ZNF503: variants seen among roughly 807,000 people sequenced by gnomAD.
ZNF503 encodes the protein NocA-like zinc finger 2.
A neutral mutation model predicts 34.4 loss-of-function variants in ZNF503; 15 were observed. The ratio of observed to expected loss-of-function variants is 0.44; its 90% CI spans 0.29 to 0.67. The LOEUF is 0.67. Ranked by LOEUF, ZNF503 falls within the 30% of genes least tolerant of loss-of-function variation. The probability of loss-of-function intolerance (pLI) is 0.13; values close to 1 mark genes in which losing one functional copy is unlikely to be tolerated. For missense variants in ZNF503, 1,007 were observed against 926.8 expected, an observed-to-expected ratio of 1.09 and a Z score of -1.12; for synonymous variants, 580 against 456.8, an observed-to-expected ratio of 1.27 and a Z score of -3.44.
At chr10:75,366,814 T>C in the ZNF503 span, among the ~76,000 whole-genome samples, 1 of 152,232 alleles carries the variant, frequency 6.6e-6, no homozygotes, top group Non-Finnish European at 1.5e-5. Flanking sequence ...ATATCCTAGC[T>C]CCTTCGTCCC....
chr10:75,398,579 G>A lies in ZNF503; in HGVS notation c.*170C>T. On this transcript the variant is annotated 3_prime_UTR_variant, in exon 2 of 2. Coordinates refer to ENST00000372524, the MANE Select transcript of ZNF503 (RefSeq NM_032772.6). ...GGGGAGAAGGGGAGTGTCCCACCGG[G>A]TCTCGGTCGCTGCTGTCGGGTAGAT... 2.0e-6 allele frequency: 1 copy of A among 498,848 alleles called. No individual in the cohort carries two copies. The highest frequency in any genetic ancestry group is 1.1e-4 in the South Asian group (1 of 9,230). 30.9% of individuals were successfully genotyped at this position (498,848 alleles called of 1,614,324 possible).
At chr10:75,307,273 C>G in the ZNF503 span, among the ~76,000 whole-genome samples, 7 of 152,176 alleles carry the variant, frequency 4.6e-5, no homozygotes, top group Admixed American at 4.6e-4. Context: ...AGTGAAACAG[C>G]CTTATTGCTG....
the ZNF503 span, among the ~76,000 whole-genome samples, chr10:75,353,900 C>T: frequency 6.6e-6 from 1 of 152,196 alleles, no homozygotes; most frequent in African/African-American, 2.4e-5. Flanking sequence ...CACGCATGAC[C>T]ACTGCTGCCA....
chr10:75,283,610 C>T, the ZNF503 span, among the ~76,000 whole-genome samples: 80 of 152,200 alleles, frequency 5.3e-4, no homozygotes, highest in Non-Finnish European at 1.1e-3. Flanking sequence ...ACGTGGGCAT[C>T]GGGAACCCAA....
chr10:75,351,533 G>T, the ZNF503 span, among the ~76,000 whole-genome samples: 1 of 152,232 alleles, frequency 6.6e-6, no homozygotes, highest in Admixed American at 6.5e-5. Context: ...TGGGGCTGAG[G>T]ACTCTCCACT....
At chr10:75,291,624 A>C in the ZNF503 span, among the ~76,000 whole-genome samples, 1 of 152,150 alleles carries the variant, frequency 6.6e-6, no homozygotes. Context: ...AAAAATCCCC[A>C]AAAAACCTTA....
At chr10:75,283,431 G>A in the ZNF503 span, 1 of 152,338 alleles carries the variant, frequency 6.6e-6, no homozygotes, top group Non-Finnish European at 1.5e-5. Context: ...GGGGAAGAGA[G>A]AGACATGCAG....
In ZNF503 at chr10:75,399,310, CGCAGCCGCA is replaced by C. The variant is rs1843747930; in HGVS notation, c.1371_1379del (p.Ala459_Ala461del). 6.2e-7 allele frequency: 1 copy of C among 1,602,010 alleles called. No individual in the cohort carries two copies. Among genetic ancestry groups the C allele is most frequent in the African/African-American group, 1.3e-5 (1 of 74,684 alleles). On this transcript the variant is annotated inframe_deletion, in exon 2 of 2. Coordinates refer to ENST00000372524, the MANE Select transcript of ZNF503 (RefSeq NM_032772.6). The stretch of plus-strand genomic sequence containing the variant: ...CCAGCGGGTATCCGGACTTCAGCGC[CGCAGCCGCA>C]GCAGCCGGATCATGTGCGCAAGAAG...
chr10:75,400,052 C>T lies in ZNF503; in HGVS notation c.638G>A (p.Arg213Gln). 1.3e-6 allele frequency: 2 copies of T among 1,589,162 alleles called. No individual in the cohort carries two copies. The highest frequency in any genetic ancestry group is 1.7e-4 in the Middle Eastern group (1 of 5,868). ...TGGCTGGCAGGTGGCGCTCGGTACC[C>T]GGAATCCCGACTTCTCCGACGAAAC... ...GGVSSEKSGF[R>Q]VPSATCQPFT... The change falls in exon 2 of 2, where the codon CGG (arginine) becomes CAG (glutamine). Residue 213 changes from arginine (R) to glutamine (Q), a missense_variant. Physicochemically the swap from Arg to Gln is conservative, Grantham distance 43 (BLOSUM62 1). Transcript: ENST00000372524.
chr10:75,384,172 C>T, the ZNF503 span, among the ~76,000 whole-genome samples: 11 of 152,016 alleles, frequency 7.2e-5, no homozygotes, highest in East Asian at 1.9e-4. Flanking sequence ...GTGTGGTGGG[C>T]GCTCCTGTCT....
chr10:75,335,312 C>T, the ZNF503 span, among the ~76,000 whole-genome samples: 1 of 152,068 alleles, frequency 6.6e-6, no homozygotes, highest in African/African-American at 2.4e-5. Flanking sequence ...ATTTTCCTTC[C>T]AATTATTTTC....
rs377659190 is a variant in ZNF503, at chr10:75,398,854, C to T, written c.1836G>A (p.Thr612=). Residue 612 remains threonine (T), a synonymous_variant, in exon 2 of 2, where the codon ACG becomes ACA. Coordinates refer to ENST00000372524, the MANE Select transcript of ZNF503 (RefSeq NM_032772.6). ...YHPYSKSPLP[T]PGAPVPVPAA... Reference sequence around the variant, plus strand: ...CGGGCACCGGCACGGGGGCGCCAGGCGTGGGAAGCGGGCTCTTGGAGTAGG... The same window carrying T: ...CGGGCACCGGCACGGGGGCGCCAGGTGTGGGAAGCGGGCTCTTGGAGTAGG... 4.0e-6 allele frequency: 6 copies of T among 1,508,698 alleles called. No individual in the cohort carries two copies. Among genetic ancestry groups the T allele is most frequent in the Non-Finnish European group, 5.3e-6 (6 of 1,133,666 alleles). The allele number at this position is 1,508,698 out of a possible 1,614,324, so 93.5% of individuals were successfully genotyped here.
At chr10:75,293,617 C>A in the ZNF503 span, among the ~76,000 whole-genome samples, 43 of 151,954 alleles carry the variant, frequency 2.8e-4, no homozygotes, top group South Asian at 2.1e-4. Flanking sequence ...CAGAGTGCCC[C>A]CCCCGTCCAC....
At chr10:75,380,319 C>G in the ZNF503 span, among the ~76,000 whole-genome samples, 3 of 152,184 alleles carry the variant, frequency 2.0e-5, no homozygotes, top group African/African-American at 4.8e-5. Flanking sequence ...GACCATTATT[C>G]TCATCCTATG....
chr10:75,389,350 C>G, the ZNF503 span, among the ~76,000 whole-genome samples: 1 of 152,196 alleles, frequency 6.6e-6, no homozygotes, highest in South Asian at 2.1e-4. Flanking sequence ...TTCTCCAAGT[C>G]CCCCTCTCCT....
the ZNF503 span, among the ~76,000 whole-genome samples, chr10:75,322,657 C>T: frequency 4.6e-5 from 7 of 151,896 alleles, no homozygotes; most frequent in South Asian, 1.3e-3. Flanking sequence ...TGGTGAGACC[C>T]CATCTCTACA....
chr10:75,400,032 G>T lies in ZNF503; in HGVS notation c.658C>A (p.Gln220Lys). The part of the protein sequence containing the change: ...SGFRVPSATC[Q>K]PFTPRTGSPS... ...CTGCCTGTCCTGGGCGTGAATGGCTGGCAGGTGGCGCTCGGTACCCGGAAT... is the reference window on the plus strand; with the variant it reads ...CTGCCTGTCCTGGGCGTGAATGGCTTGCAGGTGGCGCTCGGTACCCGGAAT... The change falls in exon 2 of 2, where the codon CAG becomes AAG. Residue 220 changes from glutamine (Q) to lysine (K), a missense_variant. Physicochemically the swap from Gln to Lys is moderately conservative, Grantham distance 53. Transcript: ENST00000372524. 6.2e-7 allele frequency: 1 copy of T among 1,600,432 alleles called. No individual in the cohort carries two copies.
At chr10:75,379,989 G>A in the ZNF503 span, among the ~76,000 whole-genome samples, 1 of 152,304 alleles carries the variant, frequency 6.6e-6, no homozygotes, top group East Asian at 1.9e-4. Context: ...ACCTCTGGGT[G>A]GGAAGTGGCT....
chr10:75,341,995 C>T, the ZNF503 span, among the ~76,000 whole-genome samples: 5 of 152,258 alleles, frequency 3.3e-5, no homozygotes, highest in African/African-American at 1.2e-4. Context: ...TGCTGAAATA[C>T]AGGTCCTGGG....
Sources: allele counts gnomAD v4.1 joint callset (sites outside exome capture counted in the v4.1 genomes callset), GRCh38; gene constraint gnomAD v4.1.1; transcripts MANE v1.5; gene names NCBI Gene and HGNC (gene_info 2026-07-23, HGNC 2026-07-21).